SHC4: variants seen among roughly 807,000 people sequenced by gnomAD.
The protein encoded by SHC4 is SHC adaptor protein 4.
In SHC4, 41 loss-of-function variants were observed where a neutral mutation model predicts 69.4. The ratio of observed to expected loss-of-function variants is 0.59; its 90% CI spans 0.46 to 0.77. The LOEUF (loss-of-function observed/expected upper bound fraction) is 0.77. SHC4 is among the 30% of genes least tolerant of loss of function. The pLI is 0.00. For synonymous variants in SHC4, 318 were observed against 299.3 expected (o/e 1.06, Z -0.64); for missense variants, 777 against 783.8 (o/e 0.99, Z 0.10).
chr15:48,958,586 T>C (rs543052752), intron 1 of SHC4, among the ~76,000 whole-genome samples: 1 of 152,330 alleles, frequency 6.6e-6, no homozygotes, highest in South Asian at 2.1e-4. Context: ...ACTAACATTT[T>C]CAACACCTCC....
intron 6 of SHC4, 106 bp downstream of exon 6, chr15:48,867,712 C>T: frequency 2.2e-6 from 2 of 928,688 alleles, no homozygotes; most frequent in Non-Finnish European, 3.4e-6. Context: ...TCCAGTATAG[C>T]ACCCTAGTGA....
At chr15:48,951,026 C>A (rs143006484) in intron 1 of SHC4, among the ~76,000 whole-genome samples, 129 of 152,210 alleles carry the variant, frequency 8.5e-4, no homozygotes, top group Admixed American at 1.8e-3. Context: ...TGCCCATTCC[C>A]TTCCTCCCCT....
In SHC4 at chr15:48,924,872, T is replaced by G; in HGVS notation, c.656+7A>C. 1.2e-6 allele frequency: 2 copies of G among 1,614,160 alleles called. No individual in the cohort carries two copies. The highest frequency in any genetic ancestry group is 2.7e-5 in the African/African-American group (2 of 75,072). On this transcript the variant is annotated splice_region_variant and intron_variant, in intron 2 of 11. Coordinates refer to ENST00000332408, the MANE Select transcript of SHC4 (RefSeq NM_203349.4). ...CCTCAAAGCCCCTCCCATTTTTGGC[T>G]TCTTACCTTGTAACTTGGGTTCTCA...
intron 9 of SHC4, among the ~76,000 whole-genome samples, chr15:48,846,646 C>T (rs1045895486): frequency 1.3e-5 from 2 of 152,168 alleles, no homozygotes; most frequent in Non-Finnish European, 2.9e-5. Context: ...GCAAATTCCT[C>T]GTGTCCTTGA....
chr15:48,869,979 G>A (rs1393926163), intron 5 of SHC4, among the ~76,000 whole-genome samples: 3 of 152,146 alleles, frequency 2.0e-5, no homozygotes, highest in Admixed American at 2.0e-4. Flanking sequence ...AAAGGCACAT[G>A]AAGAGAGTAT....
chr15:48,880,616 G>T (rs935918535), intron 4 of SHC4, among the ~76,000 whole-genome samples: 1 of 151,986 alleles, frequency 6.6e-6, no homozygotes, highest in African/African-American at 2.4e-5. Flanking sequence ...AGAGGTGGGG[G>T]TGGGAAACAC....
At chr15:48,843,652 G>A in intron 9 of SHC4, 64 bp from the exon 10 acceptor site, 6 of 1,460,308 alleles carry the variant, frequency 4.1e-6, no homozygotes, top group Non-Finnish European at 4.7e-6. Flanking sequence ...ATAAAATCAT[G>A]TTTGAGTCTA....
At chr15:48,889,973 A>G (rs1031659893) in intron 3 of SHC4, among the ~76,000 whole-genome samples, 2 of 152,270 alleles carry the variant, frequency 1.3e-5, no homozygotes, top group African/African-American at 4.8e-5. Context: ...AAAATATTCT[A>G]GGGCTCATAG....
chr15:48,845,801 T>G (rs1899079460), intron 9 of SHC4, among the ~76,000 whole-genome samples: 1 of 152,232 alleles, frequency 6.6e-6, no homozygotes, highest in South Asian at 2.1e-4. Flanking sequence ...TTAGCAAGTC[T>G]TTGTAAAAAA....
rs1014659330 is a variant in SHC4 at position 48,890,884 on chromosome 15, G to A, written c.657-73C>T. 1.4e-5 allele frequency: 21 copies of A among 1,537,752 alleles called. No individual in the cohort carries two copies. In the African/African-American group the frequency reaches 2.3e-4, roughly 17 times the overall value. ...CACAGTAAGTGTTTAAGAAATGTTA[G>A]AAATTATCACGACCAAAAAGTACAC... is the stretch of plus-strand genomic sequence containing the variant. On this transcript the variant is annotated intron_variant, in intron 2 of 11. Transcript: ENST00000332408.
chr15:48,899,461 G>A (rs758207327), intron 2 of SHC4, among the ~76,000 whole-genome samples: 24 of 151,964 alleles, frequency 1.6e-4, no homozygotes, highest in Non-Finnish European at 2.5e-4. Flanking sequence ...GCAACCCTCC[G>A]TCTCAATAAA....
At chr15:48,912,830 G>T (rs887461802) in intron 2 of SHC4, among the ~76,000 whole-genome samples, 1 of 152,152 alleles carries the variant, frequency 6.6e-6, no homozygotes, top group East Asian at 1.9e-4. Context: ...GTGGCTTCCT[G>T]TGAGCCGAAC....
intron 2 of SHC4, among the ~76,000 whole-genome samples, chr15:48,900,371 G>A (rs1369382905): frequency 1.3e-5 from 2 of 152,048 alleles, no homozygotes; most frequent in African/African-American, 4.8e-5. Flanking sequence ...GCCGGAAGTG[G>A]TGGTGGGCAC....
At chr15:48,861,833 T>C (rs148199178) in intron 6 of SHC4, among the ~76,000 whole-genome samples, 77 of 152,326 alleles carry the variant, frequency 5.1e-4, no homozygotes, top group African/African-American at 1.6e-3. Flanking sequence ...TTTTATTTGG[T>C]TATTGAATTA....
chr15:48,842,113 T>C (rs915740124), intron 10 of SHC4, among the ~76,000 whole-genome samples: 9 of 152,216 alleles, frequency 5.9e-5, no homozygotes, highest in African/African-American at 2.2e-4. Context: ...GAAAAGCATT[T>C]TTTGTTTATT....
chr15:48,899,095 A>G (rs1900273450), intron 2 of SHC4, among the ~76,000 whole-genome samples: 1 of 151,532 alleles, frequency 6.6e-6, no homozygotes. Flanking sequence ...CACCCACTTT[A>G]TTCACTCAAG....
intron 1 of SHC4, among the ~76,000 whole-genome samples, chr15:48,952,343 A>G (rs539284039): frequency 6.6e-6 from 1 of 152,354 alleles, no homozygotes; most frequent in South Asian, 2.1e-4. Flanking sequence ...ACCCCAAGAC[A>G]GGCTCTGCTC....
rs554713635 is a variant in SHC4 at position 48,843,714 on chromosome 15, C to T, written c.1304-126G>A. The T allele has an allele frequency of 1.2e-5, 10 of 838,762 alleles. No individual in the cohort carries two copies. In the African/African-American group the frequency reaches 1.6e-4, roughly 13 times the overall value. 52.0% of individuals were successfully genotyped at this position (838,762 alleles called of 1,614,324 possible). A position where few individuals can be genotyped will look rare whatever the true frequency, so the allele number is the denominator to read the frequency against. On this transcript the variant is annotated intron_variant, in intron 9 of 11. Coordinates refer to ENST00000332408, the MANE Select transcript of SHC4 (RefSeq NM_203349.4). Reference sequence around the variant, plus strand: ...CCCCACCCTATACAATGATTGAACACTTAACTTTTAGGTTTGACTTGGAAA... The same window carrying T: ...CCCCACCCTATACAATGATTGAACATTTAACTTTTAGGTTTGACTTGGAAA...
At chr15:48,886,946 AT>A (rs1175344102) in intron 3 of SHC4, among the ~76,000 whole-genome samples, 1 of 152,306 alleles carries the variant, frequency 6.6e-6, no homozygotes, top group South Asian at 2.1e-4. Flanking sequence ...GCTTATCCAC[AT>A]TTTACAAACG....
Sources: gnomAD v4.1 joint callset for allele counts (sites outside exome capture counted in the v4.1 genomes callset) on GRCh38, gnomAD v4.1.1 for gene constraint, MANE v1.5 for transcripts, NCBI Gene and HGNC (gene_info 2026-07-23, HGNC 2026-07-21) for gene names.